GLCCI1: variants seen among roughly 807,000 people sequenced by gnomAD.
The protein encoded by GLCCI1 is glucocorticoid induced 1.
In GLCCI1, 24 loss-of-function variants were observed where a neutral mutation model predicts 52.2. That is an observed-to-expected ratio of 0.46 (90% CI 0.33 to 0.65). The LOEUF is 0.65. Ranked by LOEUF, GLCCI1 falls within the 30% of genes least tolerant of loss-of-function variation. GLCCI1 has a pLI of 0.02. For synonymous variants in GLCCI1, 310 were observed against 276.5 expected, an observed-to-expected ratio of 1.12 and a Z score of -1.20; for missense variants, 704 against 701.5, an observed-to-expected ratio of 1.00 and a Z score of -0.04.
chr7:8,070,690 C>T, intron 5 of GLCCI1: 1 of 473,348 alleles, frequency 2.1e-6, no homozygotes, highest in South Asian at 2.2e-5. Context: ...CAGGTACATA[C>T]AGTGAGCTAT....
chr7:8,031,782 G>C (rs979712399), intron 3 of GLCCI1, among the ~76,000 whole-genome samples: 1 of 151,804 alleles, frequency 6.6e-6, no homozygotes, highest in African/African-American at 2.4e-5. Context: ...AACAATAAGA[G>C]AGCTGGAATA....
intron 1 of GLCCI1, among the ~76,000 whole-genome samples, chr7:7,992,104 TGTTTC>T (rs1562419545): frequency 1.4e-4 from 16 of 116,726 alleles, no homozygotes; most frequent in African/African-American, 3.3e-4. Flanking sequence ...TCTTTCTGTC[TGTTTC>T]TCTCTCTCTC....
intron 1 of GLCCI1, among the ~76,000 whole-genome samples, chr7:7,997,214 T>A (rs532264662): frequency 7.8e-4 from 119 of 152,290 alleles, no homozygotes; most frequent in Middle Eastern, 3.4e-3. Context: ...CCTTTTTTTT[T>A]AAATTTATTT....
chr7:8,021,677 A>T (rs1197718572), intron 2 of GLCCI1, among the ~76,000 whole-genome samples: 1 of 152,244 alleles, frequency 6.6e-6, no homozygotes, highest in Non-Finnish European at 1.5e-5. Flanking sequence ...TGCTGGGATT[A>T]CAGGTGTGAG....
intron 1 of GLCCI1, among the ~76,000 whole-genome samples, chr7:7,973,794 T>C (rs577058734): frequency 2.2e-4 from 33 of 152,246 alleles, no homozygotes; most frequent in African/African-American, 7.5e-4. Context: ...TAACTCCATG[T>C]AATATATGTT....
intron 4 of GLCCI1, among the ~76,000 whole-genome samples, chr7:8,059,511 G>A (rs1038383138): frequency 1.3e-5 from 2 of 152,070 alleles, no homozygotes; most frequent in Non-Finnish European, 2.9e-5. Flanking sequence ...AACTATTAGT[G>A]GTAGTTAATT....
intron 1 of GLCCI1, among the ~76,000 whole-genome samples, chr7:7,986,832 A>T (rs1043038993): frequency 5.9e-5 from 9 of 152,136 alleles, no homozygotes; most frequent in African/African-American, 2.2e-4. Flanking sequence ...CTTACTTCCT[A>T]CTAGCATAAT....
intron 3 of GLCCI1, among the ~76,000 whole-genome samples, chr7:8,024,448 C>G (rs1487934925): frequency 6.6e-6 from 1 of 152,102 alleles, no homozygotes; most frequent in Non-Finnish European, 1.5e-5. Context: ...AAAAAGTGAA[C>G]TTGTATTTTT....
intron 1 of GLCCI1, among the ~76,000 whole-genome samples, chr7:7,988,225 A>C (rs1365002810): frequency 2.0e-5 from 3 of 152,212 alleles, no homozygotes; most frequent in Admixed American, 1.3e-4. Flanking sequence ...CTATGTTAAA[A>C]GGATCCAGAA....
intron 5 of GLCCI1, among the ~76,000 whole-genome samples, chr7:8,067,463 G>A (rs2127963341): frequency 6.6e-6 from 1 of 152,260 alleles, no homozygotes; most frequent in African/African-American, 2.4e-5. Context: ...TTGCTTTATA[G>A]TGTCACTGTT....
At chr7:8,067,680 T>C (rs1419227693) in intron 5 of GLCCI1, among the ~76,000 whole-genome samples, 1 of 152,182 alleles carries the variant, frequency 6.6e-6, no homozygotes, top group Non-Finnish European at 1.5e-5. Context: ...GGCTCCAATC[T>C]CTTTTGGCTT....
At chr7:8,047,539 C>A (rs1002675247) in intron 3 of GLCCI1, among the ~76,000 whole-genome samples, 19 of 152,158 alleles carry the variant, frequency 1.2e-4, no homozygotes, top group African/African-American at 4.3e-4. Flanking sequence ...AACTTTTTAG[C>A]ATTCATTATC....
At chr7:7,994,677 G>T (rs938545495) in intron 1 of GLCCI1, among the ~76,000 whole-genome samples, 5 of 152,136 alleles carry the variant, frequency 3.3e-5, no homozygotes, top group Admixed American at 3.3e-4. Flanking sequence ...GATGAGTTTT[G>T]GAGGGGACAT....
chr7:8,068,776 A>G (rs924306467), intron 5 of GLCCI1, among the ~76,000 whole-genome samples: 2 of 152,250 alleles, frequency 1.3e-5, no homozygotes, highest in African/African-American at 4.8e-5. Flanking sequence ...ATGTTCCTTC[A>G]ACCATGGTAT....
intron 1 of GLCCI1, among the ~76,000 whole-genome samples, chr7:7,978,232 C>G (rs1048318565): frequency 6.6e-6 from 1 of 152,122 alleles, no homozygotes; most frequent in African/African-American, 2.4e-5. Context: ...AATAAGGTCT[C>G]TTTTTTGTGT....
At chr7:8,040,328 A>G (rs1363671904) in intron 3 of GLCCI1, among the ~76,000 whole-genome samples, 1 of 152,048 alleles carries the variant, frequency 6.6e-6, no homozygotes. Context: ...TCTACAAAAA[A>G]TACAGAAGTT....
intron 2 of GLCCI1, among the ~76,000 whole-genome samples, chr7:8,009,711 CT>C (rs763853181): frequency 2.0e-5 from 3 of 152,206 alleles, no homozygotes; most frequent in Non-Finnish European, 2.9e-5. Flanking sequence ...AAGAAATTAA[CT>C]TTTGCAGTTT....
rs563687190 is a variant in GLCCI1, at chr7:8,077,980, A to G, written c.1177+6849A>G. ...CCGGGCGCGGTGGCTCACGCCTGTA[A>G]TCCCAGCACTTTGGGAGGCCAAGGC... On this transcript the variant is annotated intron_variant, in intron 6 of 7. Coordinates refer to ENST00000223145, the MANE Select transcript of GLCCI1 (RefSeq NM_138426.4). Among the ~76,000 whole-genome samples, 9 of 152,112 alleles carry G rather than the reference A, an allele frequency of 5.9e-5. No individual in the cohort carries two copies. In the East Asian group the frequency reaches 1.5e-3, roughly 26 times the overall value.
At chr7:7,979,957 G>T (rs1040330406) in intron 1 of GLCCI1, among the ~76,000 whole-genome samples, 8 of 151,208 alleles carry the variant, frequency 5.3e-5, no homozygotes, top group Admixed American at 4.6e-4. Context: ...TTTCTTTCTG[G>T]CAGTGTCTCG....
Sources: allele counts gnomAD v4.1 joint callset (sites outside exome capture counted in the v4.1 genomes callset), GRCh38; gene constraint gnomAD v4.1.1; transcripts MANE v1.5; gene names NCBI Gene and HGNC (gene_info 2026-07-23, HGNC 2026-07-21).